The following BCAR3 variants were observed in gnomAD, a reference collection of about 807,000 sequenced individuals.
The protein encoded by BCAR3 is BCAR3 adaptor protein, NSP family member.
A neutral mutation model predicts 80.1 loss-of-function variants in BCAR3; 37 were observed. The ratio of observed to expected loss-of-function variants is 0.46; its 90% CI spans 0.36 to 0.61. The LOEUF (loss-of-function observed/expected upper bound fraction) is 0.61, where lower values mean the gene tolerates loss of function less well. BCAR3 is among the 20% of genes least tolerant of loss of function. The pLI is 0.00. For missense variants in BCAR3, 978 were observed against 1,068.2 expected, an observed-to-expected ratio of 0.92 and a Z score of 1.18; for synonymous variants, 389 against 418.9, an observed-to-expected ratio of 0.93 and a Z score of 0.87.
At chr1:93,661,750 A>G (rs750349963) in intron 2 of BCAR3, among the ~76,000 whole-genome samples, 2 of 152,212 alleles carry the variant, frequency 1.3e-5, no homozygotes, top group Non-Finnish European at 2.9e-5. Flanking sequence ...TGGCCTCCCA[A>G]AGTGTTGGGA....
chr1:93,682,225 G>A (rs1648816801), upstream of BCAR3, among the ~76,000 whole-genome samples: 1 of 152,140 alleles, frequency 6.6e-6, no homozygotes, highest in South Asian at 2.1e-4. Context: ...ACGGGAACAG[G>A]CAAATCAATT....
chr1:93,579,240 T>TGGCCCTGTCTGGGC (rs1392198917), intron 7 of BCAR3, among the ~76,000 whole-genome samples: 1 of 152,168 alleles, frequency 6.6e-6, no homozygotes, highest in Non-Finnish European at 1.5e-5. Context: ...AGCTTCTGGG[T>TGGCCCTGTCTGGGC]GGCCCTGTCT....
At chr1:93,644,399 A>C (rs1377921775) in intron 2 of BCAR3, among the ~76,000 whole-genome samples, 1 of 152,162 alleles carries the variant, frequency 6.6e-6, no homozygotes, top group Non-Finnish European at 1.5e-5. Context: ...AACTCAACCA[A>C]TTGTCAACCA....
intron 2 of BCAR3, among the ~76,000 whole-genome samples, chr1:93,707,214 A>G (rs1329589359): frequency 1.3e-5 from 2 of 152,226 alleles, no homozygotes. Flanking sequence ...AACAAACTGT[A>G]TAATATTATT....
At chr1:93,619,100 A>ATTTTTTT (rs34715455) in intron 3 of BCAR3, among the ~76,000 whole-genome samples, 2 of 126,724 alleles carry the variant, frequency 1.6e-5, no homozygotes, top group Non-Finnish European at 1.7e-5. Context: ...CACCACGCCA[A>ATTTTTTT]TTTTTTTTTT....
At chr1:93,615,975 C>T (rs1368467579) in intron 3 of BCAR3, among the ~76,000 whole-genome samples, 1 of 152,200 alleles carries the variant, frequency 6.6e-6, no homozygotes, top group Non-Finnish European at 1.5e-5. Flanking sequence ...CCAAGAGACT[C>T]CGAAGCCCAG....
At chr1:93,670,980 A>G (rs1295083219) in intron 2 of BCAR3, among the ~76,000 whole-genome samples, 2 of 151,950 alleles carry the variant, frequency 1.3e-5, no homozygotes, top group African/African-American at 2.4e-5. Context: ...TGAATGTTCA[A>G]TTATAATAAA....
At chr1:93,773,833 A>G (rs1044126683) in intron 2 of BCAR3, among the ~76,000 whole-genome samples, 3 of 152,242 alleles carry the variant, frequency 2.0e-5, no homozygotes, top group African/African-American at 7.2e-5. Context: ...AAAACAGAAC[A>G]GCCTTCTCCT....
chr1:93,713,295 G>A (rs1419156473), intron 2 of BCAR3, among the ~76,000 whole-genome samples: 1 of 152,178 alleles, frequency 6.6e-6, no homozygotes, highest in African/African-American at 2.4e-5. Flanking sequence ...TGGGGAGAAA[G>A]GCAGCTTGAG....
intron 10 of BCAR3, 50 bp from the exon 11 acceptor site, chr1:93,567,541 A>G: frequency 6.3e-7 from 1 of 1,590,848 alleles, no homozygotes. Flanking sequence ...TCCAAAGTTA[A>G]GCACAGAATG....
intron 3 of BCAR3, among the ~76,000 whole-genome samples, chr1:93,595,825 C>G (rs911920307): frequency 3.3e-5 from 5 of 152,196 alleles, no homozygotes; most frequent in South Asian, 4.1e-4. Context: ...AATGAGATTC[C>G]TGCTTCATAG....
In BCAR3 at chr1:93,633,356, A is replaced by T. The variant is rs2101900518; in HGVS notation, c.357+8948T>A. ...TTAATTCTATCTCTAAAAGCCCTTC[A>T]CCATGTGGCCTAACTTTCCATTCCC... On this transcript the variant is annotated intron_variant, in intron 3 of 11. Coordinates refer to ENST00000260502, the MANE Select transcript of BCAR3 (RefSeq NM_003567.4). 3.3e-5 allele frequency among the ~76,000 whole-genome samples: 5 copies of T among 152,230 alleles called. No individual in the cohort carries two copies. In the South Asian group the frequency reaches 1.0e-3, roughly 32 times the overall value.
At chr1:93,845,668 G>C (rs1339324994) in exon 2 of BCAR3, 1 of 151,946 alleles carries the variant, frequency 6.6e-6, no homozygotes, top group East Asian at 1.9e-4. Context: ...ATTTCTCAGC[G>C]TTGTGTTTGC....
At chr1:93,570,143 A>C (rs375106548) in intron 9 of BCAR3, among the ~76,000 whole-genome samples, 9 of 152,292 alleles carry the variant, frequency 5.9e-5, no homozygotes, top group African/African-American at 2.2e-4. Flanking sequence ...TTGACCCCCC[A>C]CAAATTCCCG....
At chr1:93,846,787 A>C in intron 1 of BCAR3, 3 of 450,204 alleles carry the variant, frequency 6.7e-6, no homozygotes, top group South Asian at 4.8e-5. Flanking sequence ...CCTTGGAGGC[A>C]GGTGCTGGCG....
At chr1:93,567,926 C>T (rs1211359379) in intron 9 of BCAR3, 75 bp from the exon 10 acceptor site, 6 of 1,238,214 alleles carry the variant, frequency 4.8e-6, no homozygotes, top group Non-Finnish European at 7.0e-6. Flanking sequence ...GTAGCTCACG[C>T]CTGTAATGCC....
At chr1:93,845,030 A>G (rs192735333) in intron 2 of BCAR3, among the ~76,000 whole-genome samples, 6 of 152,318 alleles carry the variant, frequency 3.9e-5, no homozygotes, top group Non-Finnish European at 5.9e-5. Flanking sequence ...GTGGAATAAA[A>G]TATCTAAAAT....
chr1:93,731,166 A>G (rs1318310284), intron 2 of BCAR3, among the ~76,000 whole-genome samples: 1 of 152,232 alleles, frequency 6.6e-6, no homozygotes, highest in East Asian at 1.9e-4. Flanking sequence ...GAAACAGGCC[A>G]GAGGAGGCCA....
intron 2 of BCAR3, among the ~76,000 whole-genome samples, chr1:93,726,645 G>A (rs1303676307): frequency 2.0e-5 from 3 of 152,130 alleles, no homozygotes; most frequent in East Asian, 1.9e-4. Context: ...AATCTGGATT[G>A]TGTCTTATAG....
Sources: gnomAD v4.1 joint callset for allele counts (sites outside exome capture counted in the v4.1 genomes callset) on GRCh38, gnomAD v4.1.1 for gene constraint, MANE v1.5 for transcripts, NCBI Gene and HGNC (gene_info 2026-07-23, HGNC 2026-07-21) for gene names.